SASH1: variants seen among roughly 807,000 people sequenced by gnomAD.
SASH1 encodes the protein SAM and SH3 domain containing 1.
In SASH1, 44 loss-of-function variants were observed where a neutral mutation model predicts 125.2. The ratio of observed to expected loss-of-function variants is 0.35; its 90% CI spans 0.28 to 0.45. The LOEUF is 0.45. Among genes scored for constraint, SASH1 ranks in the 20% least tolerant of loss-of-function variants. The probability of loss-of-function intolerance (pLI) is 1.00; values close to 1 mark genes in which losing one functional copy is unlikely to be tolerated. For synonymous variants in SASH1, 639 were observed against 649.1 expected, an observed-to-expected ratio of 0.98 and a Z score of 0.24; for missense variants, 1,426 against 1,614.5, an observed-to-expected ratio of 0.88 and a Z score of 2.00.
chr6:148,487,719 A>G lies in SASH1; in HGVS notation c.729+4A>G. 6.3e-7 allele frequency: 1 copy of G among 1,591,816 alleles called. No homozygotes were observed. The highest frequency in any genetic ancestry group is 8.6e-7 in the Non-Finnish European group (1 of 1,160,304). On this transcript the variant is annotated splice_donor_region_variant and intron_variant, in intron 8 of 19. Transcript: ENST00000367467. ...TGATGGCTCATCAAACTGCAATGTG[A>G]GTTTATCATGTCTTTGACATCTTGA...
intron 1 of SASH1, among the ~76,000 whole-genome samples, chr6:148,290,843 C>G (rs1329140914): frequency 1.4e-5 from 2 of 141,578 alleles, no homozygotes; most frequent in East Asian, 2.1e-4. Flanking sequence ...TCCCCCTCTC[C>G]GAGAAACACC....
chr6:148,461,667 T>C (rs1469048904), intron 4 of SASH1, among the ~76,000 whole-genome samples: 1 of 152,218 alleles, frequency 6.6e-6, no homozygotes, highest in Non-Finnish European at 1.5e-5. Context: ...TCTGGCATCA[T>C]CCAAGTCCTG....
rs939424203 is a variant in SASH1, at chr6:148,514,562, A to G, written c.862+106A>G. On this transcript the variant is annotated intron_variant, in intron 9 of 19. Coordinates refer to ENST00000367467, the MANE Select transcript of SASH1 (RefSeq NM_015278.5). Reference sequence around the variant, plus strand: ...TCAGCAGAAAAGGGATACGATTTCAAGTGGAAAATGCATTGAGCTCTGGCT... The same window carrying G: ...TCAGCAGAAAAGGGATACGATTTCAGGTGGAAAATGCATTGAGCTCTGGCT... The G allele has an allele frequency of 6.1e-6, 8 of 1,307,974 alleles. No individual in the cohort carries two copies. The African/African-American group carries it at 1.2e-4, about 20-fold the overall frequency. 81.0% of individuals were successfully genotyped at this position (1,307,974 alleles called of 1,614,324 possible).
At chr6:148,233,190 G>A in the SASH1 span, among the ~76,000 whole-genome samples, 1 of 150,952 alleles carries the variant, frequency 6.6e-6, no homozygotes, top group Non-Finnish European at 1.5e-5. Context: ...CTCCAGCCTG[G>A]GCAACAAGAG....
chr6:148,542,143 A>G (rs1782259861), intron 17 of SASH1, among the ~76,000 whole-genome samples: 2 of 152,236 alleles, frequency 1.3e-5, no homozygotes, highest in South Asian at 2.1e-4. Flanking sequence ...TACCTGCTGA[A>G]GAACTAGATT....
intron 8 of SASH1, among the ~76,000 whole-genome samples, chr6:148,498,420 A>T (rs909871866): frequency 2.6e-5 from 4 of 152,134 alleles, no homozygotes; most frequent in African/African-American, 9.6e-5. Context: ...AAAAAAAAAG[A>T]AAAAGAAAAA....
chr6:148,499,477 A>C (rs1779472559), intron 8 of SASH1, among the ~76,000 whole-genome samples: 1 of 152,196 alleles, frequency 6.6e-6, no homozygotes, highest in Non-Finnish European at 1.5e-5. Context: ...TTGAGTACCC[A>C]CTATGTGCCA....
intron 1 of SASH1, among the ~76,000 whole-genome samples, chr6:148,368,561 G>A (rs1185955813): frequency 6.6e-6 from 1 of 152,046 alleles, no homozygotes; most frequent in Non-Finnish European, 1.5e-5. Context: ...GTGAGCCACT[G>A]CTCCCAGCTA....
At chr6:148,513,544 GA>G (rs1780270423) in intron 8 of SASH1, 3 of 985,438 alleles carry the variant, frequency 3.0e-6, no homozygotes, top group Non-Finnish European at 3.6e-6. Context: ...CACTGCTGCA[GA>G]GAGAGATATT....
intron 2 of SASH1, among the ~76,000 whole-genome samples, chr6:148,405,693 G>T (rs772086744): frequency 2.0e-5 from 3 of 151,952 alleles, no homozygotes; most frequent in Non-Finnish European, 2.9e-5. Context: ...CACTAGTAAT[G>T]ACTCTAGGCT....
chr6:148,271,295 A>G (rs938992823), upstream of SASH1, among the ~76,000 whole-genome samples: 2 of 152,168 alleles, frequency 1.3e-5, no homozygotes, highest in African/African-American at 2.4e-5. Context: ...ATTTTTCCCC[A>G]TGAAGATAGG....
intron 7 of SASH1, among the ~76,000 whole-genome samples, chr6:148,474,856 G>A (rs1778273188): frequency 6.6e-6 from 1 of 152,312 alleles, no homozygotes; most frequent in African/African-American, 2.4e-5. Flanking sequence ...ACAGGCATAA[G>A]CAAGCGCACC....
chr6:148,525,887 C>T (rs1028434238), intron 11 of SASH1, among the ~76,000 whole-genome samples: 1 of 151,926 alleles, frequency 6.6e-6, no homozygotes, highest in Non-Finnish European at 1.5e-5. Context: ...CTCTGTGGGA[C>T]CAAAGCAGAC....
the SASH1 span, among the ~76,000 whole-genome samples, chr6:148,225,549 T>A: frequency 1.3e-5 from 2 of 152,098 alleles, no homozygotes; most frequent in Non-Finnish European, 2.9e-5. Context: ...AAGAATGATA[T>A]AATGGACTTT....
intron 7 of SASH1, chr6:148,478,570 G>T (rs1778471815): frequency 6.6e-6 from 1 of 152,180 alleles, no homozygotes; most frequent in Non-Finnish European, 1.5e-5. Context: ...GATGGTTAAT[G>T]GGTACGAAAG....
At chr6:148,263,301 T>C in the SASH1 span, among the ~76,000 whole-genome samples, 1 of 152,174 alleles carries the variant, frequency 6.6e-6, no homozygotes, top group East Asian at 1.9e-4. Flanking sequence ...CTTGCATTCT[T>C]AAGCAGGTTT....
intron 2 of SASH1, among the ~76,000 whole-genome samples, chr6:148,399,553 G>T (rs1358456074): frequency 6.6e-6 from 1 of 152,048 alleles, no homozygotes; most frequent in Non-Finnish European, 1.5e-5. Context: ...AATGGTTTTT[G>T]TTTGCTTGCT....
chr6:148,532,774 T>G lies in SASH1; in HGVS notation c.1565-23T>G. The G allele has an allele frequency of 6.2e-7, 1 of 1,613,150 alleles. No individual in the cohort carries two copies. Among genetic ancestry groups the G allele is most frequent in the Non-Finnish European group, 8.5e-7 (1 of 1,179,384 alleles). On this transcript the variant is annotated intron_variant, in intron 13 of 19. Transcript: ENST00000367467. The surrounding 1 kb of genome is among the most constrained non-coding windows in gnomAD (Gnocchi z 4.7). ...GGTGGGAAATCTGGATCTACCCGTGTTCTTCCTATGTTTCCTGTACAGGCG... is the reference window on the plus strand; with the variant it reads ...GGTGGGAAATCTGGATCTACCCGTGGTCTTCCTATGTTTCCTGTACAGGCG...
intron 1 of SASH1, among the ~76,000 whole-genome samples, chr6:148,289,999 C>A (rs891232152): frequency 2.7e-5 from 4 of 150,706 alleles, no homozygotes; most frequent in Admixed American, 1.3e-4. Flanking sequence ...TCTTGAGTAG[C>A]TGGTATTACA....
Sources: allele counts gnomAD v4.1 joint callset (sites outside exome capture counted in the v4.1 genomes callset), GRCh38; gene constraint gnomAD v4.1.1; non-coding constraint Gnocchi (gnomAD v3.1); transcripts MANE v1.5; gene names NCBI Gene and HGNC (gene_info 2026-07-23, HGNC 2026-07-21).